Variants in DLEC1 observed in about 807,000 individuals in gnomAD.
DLEC1 encodes the protein DLEC1 cilia and flagella associated protein.
In DLEC1, 146 loss-of-function variants were observed where a neutral mutation model predicts 198.1. The observed-to-expected ratio is 0.74, with a 90% CI of 0.64 to 0.85. The LOEUF is 0.85. Among genes scored for constraint, DLEC1 ranks in the 40% least tolerant of loss-of-function variants. The pLI, the probability that DLEC1 is intolerant of heterozygous loss-of-function variation, is 0.00. For synonymous variants in DLEC1, 897 were observed against 866.8 expected (o/e 1.03, Z -0.61); for missense variants, 2,233 against 2,220.0 (o/e 1.01, Z -0.12).
In DLEC1 at chr3:38,123,224, C is replaced by A; in HGVS notation, c.*812C>A. On this transcript the variant is annotated 3_prime_UTR_variant, in exon 37 of 37. Transcript: ENST00000308059. ...GTCATGGACAAGTAGGATGCAAAAC[C>A]ATCAGACCAGATCTGTGGGCAAGCG... The A allele has an allele frequency of 8.6e-7, 1 of 1,160,212 alleles. No individual in the cohort carries two copies. The highest frequency in any genetic ancestry group is 1.8e-5 in the Admixed American group (1 of 56,756). The allele number at this position is 1,160,212 out of a possible 1,614,324, so 71.9% of individuals were successfully genotyped here. A position where few individuals can be genotyped will look rare whatever the true frequency, so the allele number is the denominator to read the frequency against.
intron 5 of DLEC1, among the ~76,000 whole-genome samples, chr3:38,063,071 T>C (rs972745129): frequency 8.5e-5 from 13 of 152,214 alleles, no homozygotes; most frequent in African/African-American, 2.9e-4. Context: ...CTGGGTCAAA[T>C]GGAAGCAATC....
intron 6 of DLEC1, among the ~76,000 whole-genome samples, chr3:38,080,317 C>T (rs573990045): frequency 6.6e-6 from 1 of 151,994 alleles, no homozygotes; most frequent in East Asian, 1.9e-4. Flanking sequence ...CTAGCTTGGC[C>T]TGGTGAGGAG....
At chr3:38,086,480 A>T in intron 9 of DLEC1, 103 bp downstream of exon 9, 3 of 1,446,402 alleles carry the variant, frequency 2.1e-6, no homozygotes, top group Middle Eastern at 1.9e-4. Context: ...AAACACACAG[A>T]ACGCAGAGTG....
chr3:38,086,802 C>T (rs1307605149), intron 9 of DLEC1, among the ~76,000 whole-genome samples: 1 of 152,170 alleles, frequency 6.6e-6, no homozygotes, highest in Non-Finnish European at 1.5e-5. Flanking sequence ...TGGCCAGGCG[C>T]AGTGGCTCAC....
At chr3:38,062,429 G>C (rs1468801000) in intron 4 of DLEC1, 61 bp downstream of exon 4, 2 of 1,603,194 alleles carry the variant, frequency 1.2e-6, no homozygotes, top group Non-Finnish European at 1.7e-6. Context: ...TGAAGGGGAA[G>C]GCATTCAGAT....
chr3:38,111,591 A>G, intron 23 of DLEC1, 86 bp from the exon 24 acceptor site: 1 of 1,434,058 alleles, frequency 7.0e-7, no homozygotes, highest in South Asian at 1.3e-5. Flanking sequence ...GGCACCTGGT[A>G]GAATGCTGGT....
At chr3:38,088,170 T>C (rs1400441671) in intron 9 of DLEC1, 126 bp from the exon 10 acceptor site, 3 of 791,826 alleles carry the variant, frequency 3.8e-6, no homozygotes, top group Admixed American at 2.5e-5. Flanking sequence ...TTCATTACCA[T>C]GTGACTGGAT....
rs549718203 is a variant in DLEC1 at position 38,073,041 on chromosome 3, A to T, written c.1173+9122A>T. ...AGGGCTGTCCCTGAAACCTTGCGGCAGCACAGCCCAGGTAAGCTGCTGGGA... is the reference window on the plus strand; with the variant it reads ...AGGGCTGTCCCTGAAACCTTGCGGCTGCACAGCCCAGGTAAGCTGCTGGGA... On this transcript the variant is annotated intron_variant, in intron 6 of 36. Transcript: ENST00000308059. Among the ~76,000 whole-genome samples, 3 of 152,366 alleles carry T rather than the reference A, an allele frequency of 2.0e-5. No individual in the cohort carries two copies. In the South Asian group the frequency reaches 6.2e-4, roughly 32 times the overall value.
rs1360291208 is a variant in DLEC1, at chr3:38,096,718, A to G, written c.2321A>G (p.Asn774Ser). Residue 774 changes from asparagine to serine, a missense_variant, in exon 15 of 37, where the codon AAT becomes AGT. By Grantham distance (46) the Asn-to-Ser change is conservative. Coordinates refer to ENST00000308059, the MANE Select transcript of DLEC1 (RefSeq NM_007335.4). The part of the protein sequence containing the change: ...IIPGENYIGI[N>S]VKKAFKMWNN... ...CCAGGGGAGAACTACATTGGGATAA[A>G]TGTGAAGAAGGCTTTTAAGGTAGGT... 6.2e-7 allele frequency: 1 copy of G among 1,610,536 alleles called. No individual in the cohort carries two copies. Among genetic ancestry groups the G allele is most frequent in the Admixed American group, 1.7e-5 (1 of 59,298 alleles).
chr3:38,055,304 A>G (rs1696299039), intron 2 of DLEC1, among the ~76,000 whole-genome samples: 1 of 152,236 alleles, frequency 6.6e-6, no homozygotes, highest in South Asian at 2.1e-4. Context: ...AAGCACAGAA[A>G]TCCACATCCA....
intron 7 of DLEC1, 107 bp from the exon 8 acceptor site, chr3:38,085,167 C>A: frequency 7.9e-7 from 1 of 1,263,086 alleles, no homozygotes; most frequent in South Asian, 1.2e-5. Flanking sequence ...GCCCAGAAGG[C>A]ACTTACAGAG....
At chr3:38,093,455 C>A in intron 11 of DLEC1, 150 bp from the exon 12 acceptor site, 2 of 880,844 alleles carry the variant, frequency 2.3e-6, no homozygotes, top group Non-Finnish European at 3.5e-6. Flanking sequence ...AACCTGTGGG[C>A]GGATATCCCC....
At chr3:38,079,287 T>C (rs1697821454) in intron 6 of DLEC1, among the ~76,000 whole-genome samples, 1 of 151,528 alleles carries the variant, frequency 6.6e-6, no homozygotes, top group African/African-American at 2.4e-5. Flanking sequence ...CTAAAAGGAG[T>C]GCTTAAAAGA....
At chr3:38,114,225 G>C (rs930794817) in intron 25 of DLEC1, 117 bp from the exon 26 acceptor site, 23 of 841,230 alleles carry the variant, frequency 2.7e-5, no homozygotes, top group Non-Finnish European at 4.2e-5. Context: ...GGTACACAGT[G>C]AGGCTGGGAC....
chr3:38,109,788 G>A (rs1313832898), intron 22 of DLEC1: 14 of 810,670 alleles, frequency 1.7e-5, no homozygotes, highest in Non-Finnish European at 1.5e-5. Flanking sequence ...GAGGCGTGGT[G>A]CCCTGGCAGG....
chr3:38,082,861 G>A (rs192760288), intron 6 of DLEC1, among the ~76,000 whole-genome samples: 9 of 152,318 alleles, frequency 5.9e-5, no homozygotes, highest in South Asian at 2.1e-4. Context: ...CCTTTGAAAC[G>A]TGGGTGAATG....
intron 25 of DLEC1, among the ~76,000 whole-genome samples, chr3:38,113,281 C>T (rs1466625328): frequency 6.6e-6 from 1 of 152,226 alleles, no homozygotes; most frequent in Non-Finnish European, 1.5e-5. Flanking sequence ...GTGCTTTGAG[C>T]CCCCTTCTCC....
Position 38,116,449 on chromosome 3 carries a change from C to T in DLEC1, c.3857-4C>T. 1 of 1,613,996 alleles carries T rather than the reference C, an allele frequency of 6.2e-7. No individual in the cohort carries two copies. The highest frequency in any genetic ancestry group is 8.5e-7 in the Non-Finnish European group (1 of 1,179,948). ...CCTCACCCTGCTCCACACATCTGCC[C>T]CAGACATCCGCCTGGATTGGGAGAC... On this transcript the variant is annotated splice_region_variant and splice_polypyrimidine_tract_variant and intron_variant, in intron 27 of 36. Transcript: ENST00000308059.
At chr3:38,108,372 A>C (rs751558640) in intron 20 of DLEC1, 33 bp from the exon 21 acceptor site, 1 of 1,566,250 alleles carries the variant, frequency 6.4e-7, no homozygotes, top group African/African-American at 1.4e-5. Flanking sequence ...GGAGCCCAGT[A>C]AGTGACAACA....
Sources: gnomAD v4.1 joint callset for allele counts (sites outside exome capture counted in the v4.1 genomes callset) on GRCh38, gnomAD v4.1.1 for gene constraint, MANE v1.5 for transcripts, NCBI Gene and HGNC (gene_info 2026-07-23, HGNC 2026-07-21) for gene names.